The following OXR1 variants were observed in gnomAD, a reference collection of about 807,000 sequenced individuals.
OXR1 encodes oxidation resistance protein 1.
Under a neutral mutation model 104.6 loss-of-function variants are expected in OXR1, and 41 were observed. That is an observed-to-expected ratio of 0.39 (90% confidence interval 0.31 to 0.51). OXR1 has a LOEUF of 0.51. Among genes scored for constraint, OXR1 ranks in the 20% least tolerant of loss-of-function variants. The pLI is 0.77. For missense variants in OXR1, 955 were observed against 1,031.9 expected, an observed-to-expected ratio of 0.93 and a Z score of 1.02; for synonymous variants, 348 against 348.4, an observed-to-expected ratio of 1.00 and a Z score of 0.01.
intron 1 of OXR1, among the ~76,000 whole-genome samples, chr8:106,313,710 G>A (rs1326220509): frequency 6.6e-6 from 1 of 151,986 alleles, no homozygotes; most frequent in Non-Finnish European, 1.5e-5. Context: ...TCTGTGGCAG[G>A]AATCCATTGC....
At chr8:106,406,472 A>G (rs1368065466) in intron 2 of OXR1, among the ~76,000 whole-genome samples, 1 of 152,190 alleles carries the variant, frequency 6.6e-6, no homozygotes, top group Admixed American at 6.6e-5. Flanking sequence ...AGATGAAGCA[A>G]TGAAAAACTG....
At chr8:106,626,983 T>A (rs993040203) in intron 3 of OXR1, among the ~76,000 whole-genome samples, 9 of 152,084 alleles carry the variant, frequency 5.9e-5, no homozygotes, top group African/African-American at 2.2e-4. Flanking sequence ...TCTATTATGT[T>A]TCGATGCTTT....
chr8:106,550,417 A>G (rs935751997), intron 3 of OXR1, among the ~76,000 whole-genome samples: 4 of 152,080 alleles, frequency 2.6e-5, no homozygotes, highest in African/African-American at 9.7e-5. Context: ...AGGGGGTAAG[A>G]CCTCCAGAAG....
At chr8:106,586,419 G>T (rs1020851437) in intron 3 of OXR1, among the ~76,000 whole-genome samples, 1 of 152,202 alleles carries the variant, frequency 6.6e-6, no homozygotes, top group African/African-American at 2.4e-5. Context: ...CATACAGTGG[G>T]AACAGTGAAG....
intron 1 of OXR1, among the ~76,000 whole-genome samples, chr8:106,289,338 T>C (rs2130031259): frequency 6.6e-6 from 1 of 152,244 alleles, no homozygotes; most frequent in South Asian, 2.1e-4. Context: ...AATCAATGTA[T>C]AAAAATCAGT....
intron 3 of OXR1, among the ~76,000 whole-genome samples, chr8:106,576,947 G>A (rs1817881581): frequency 6.6e-6 from 1 of 152,060 alleles, no homozygotes; most frequent in Non-Finnish European, 1.5e-5. Flanking sequence ...TGTTTTTGTA[G>A]TATCTCTTAA....
intron 3 of OXR1, among the ~76,000 whole-genome samples, chr8:106,601,552 T>C (rs1819971295): frequency 6.6e-6 from 1 of 152,196 alleles, no homozygotes; most frequent in Non-Finnish European, 1.5e-5. Context: ...TTTCCTAATA[T>C]AACCATGATT....
At chr8:106,528,350 T>C (rs1486982348) in intron 3 of OXR1, among the ~76,000 whole-genome samples, 1 of 152,216 alleles carries the variant, frequency 6.6e-6, no homozygotes, top group African/African-American at 2.4e-5. Flanking sequence ...AATTGCAAAT[T>C]CTAAAATCCA....
At chr8:106,538,358 G>A (rs1814703296) in intron 3 of OXR1, among the ~76,000 whole-genome samples, 1 of 152,030 alleles carries the variant, frequency 6.6e-6, no homozygotes, top group Admixed American at 6.6e-5. Context: ...GCATTGATTT[G>A]ATTTTTTAGC....
intron 1 of OXR1, among the ~76,000 whole-genome samples, chr8:106,308,962 T>C (rs1813579931): frequency 6.8e-6 from 1 of 147,092 alleles, no homozygotes; most frequent in Admixed American, 6.8e-5. Context: ...GGAGGATTTA[T>C]AAGTTAAATT....
chr8:106,590,546 A>G (rs1370232436), intron 3 of OXR1, among the ~76,000 whole-genome samples: 2 of 152,186 alleles, frequency 1.3e-5, no homozygotes, highest in Non-Finnish European at 2.9e-5. Flanking sequence ...TTGGCTTCCC[A>G]AAGTGCTGGG....
At chr8:106,282,881 T>C (rs1205755911) in intron 1 of OXR1, among the ~76,000 whole-genome samples, 1 of 152,238 alleles carries the variant, frequency 6.6e-6, no homozygotes, top group Non-Finnish European at 1.5e-5. Flanking sequence ...AAATTCATTC[T>C]TTTAAAATTT....
chr8:106,446,413 T>A (rs1227172384), intron 2 of OXR1, among the ~76,000 whole-genome samples: 7 of 151,672 alleles, frequency 4.6e-5, no homozygotes, highest in Non-Finnish European at 5.9e-5. Context: ...AGGTCAGGAG[T>A]CCGAGACCAG....
At chr8:106,671,063 A>AAAAAAAAAAAAAAAAAAAAAAAT (rs1826915081) in intron 3 of OXR1, among the ~76,000 whole-genome samples, 1 of 148,916 alleles carries the variant, frequency 6.7e-6, no homozygotes, top group Non-Finnish European at 1.5e-5. Context: ...AAAAAAAAAA[A>AAAAAAAAAAAAAAAAAAAAAAAT]GAATGGCTGA....
chr8:106,417,771 G>C (rs1013467632), intron 2 of OXR1, among the ~76,000 whole-genome samples: 1 of 152,008 alleles, frequency 6.6e-6, no homozygotes, highest in South Asian at 2.1e-4. Context: ...GTTCAGTCAG[G>C]GTCCCAACCG....
intron 14 of OXR1, among the ~76,000 whole-genome samples, chr8:106,741,088 T>A (rs937616566): frequency 6.6e-6 from 1 of 152,134 alleles, no homozygotes; most frequent in Admixed American, 6.6e-5. Context: ...GAAAGCCCTA[T>A]GAGATTGATA....
intron 3 of OXR1, among the ~76,000 whole-genome samples, chr8:106,575,335 A>G (rs1295787583): frequency 1.3e-5 from 2 of 152,148 alleles, no homozygotes; most frequent in Admixed American, 1.3e-4. Context: ...AGTGTTGTGA[A>G]AATTTCTTCT....
At chr8:106,548,692 CGAT>C (rs1286649369) in intron 3 of OXR1, among the ~76,000 whole-genome samples, 1 of 152,070 alleles carries the variant, frequency 6.6e-6, no homozygotes, top group African/African-American at 2.4e-5. Context: ...TTTAGGAACT[CGAT>C]GAAGTAGTTT....
At chr8:106,450,435 G>A (rs1259648398) in intron 2 of OXR1, among the ~76,000 whole-genome samples, 1 of 151,948 alleles carries the variant, frequency 6.6e-6, no homozygotes, top group Non-Finnish European at 1.5e-5. Context: ...GTTGGAAAGG[G>A]AAAAAAACAC....
Sources: allele counts gnomAD v4.1 joint callset (sites outside exome capture counted in the v4.1 genomes callset), GRCh38; gene constraint gnomAD v4.1.1; transcripts MANE v1.5; gene names NCBI Gene and HGNC (gene_info 2026-07-23, HGNC 2026-07-21).